The following TGM6 variants were observed in gnomAD, a reference collection of about 807,000 sequenced individuals.
TGM6 encodes protein-glutamine gamma-glutamyltransferase 6.
Under a neutral mutation model 77.5 loss-of-function variants are expected in TGM6, and 74 were observed. That is an observed-to-expected ratio of 0.96 (90% CI 0.79 to 1.16). The LOEUF is 1.16. Among genes scored for constraint, TGM6 ranks in the 50% most tolerant of loss-of-function variants. TGM6 has a pLI of 0.00. For missense variants in TGM6, 968 were observed against 940.2 expected (o/e 1.03, Z -0.39); for synonymous variants, 383 against 378.9 (o/e 1.01, Z -0.12).
At position 2,427,498 on chromosome 20, in the gene TGM6, T is replaced by C. The variant is rs114499671; in HGVS notation, c.1679-2948T>C. ...ATCTTTTCAAAGAACCAGCTTTTGG[T>C]TTTGGTGATTTTCTCTATTGATCTC... is the stretch of plus-strand genomic sequence containing the variant. On this transcript the variant is annotated intron_variant, in intron 10 of 12. Transcript: ENST00000202625. Among the ~76,000 whole-genome samples, 329 of 152,212 alleles carry C rather than the reference T, an allele frequency of 2.2e-3. 3 individuals carry two copies. Among genetic ancestry groups the C allele is most frequent in the African/African-American group, 7.6e-3 (315 of 41,552 alleles).
In TGM6 at chr20:2,417,475, T is replaced by G. The variant is rs61729226; in HGVS notation, c.1580T>G (p.Val527Gly). ...AACCTCACCTCCCGGGCCCAGCGGG[T>G]GAGGGTCAACCTGAGCGGTGCCACC... ...LANLTSRAQR[V>G]RVNLSGATIL... The change falls in exon 10 of 13, where the codon GTG becomes GGG. Residue 527 changes from valine (V) to glycine (G), a missense_variant. Transcript: ENST00000202625. The G allele has an allele frequency of 5.0e-6, 8 of 1,610,188 alleles. No homozygotes were observed. Among genetic ancestry groups the G allele is most frequent in the Non-Finnish European group, 6.8e-6 (8 of 1,179,904 alleles).
intron 10 of TGM6, among the ~76,000 whole-genome samples, chr20:2,422,288 C>T (rs1048734475): frequency 2.6e-5 from 4 of 152,148 alleles, no homozygotes; most frequent in African/African-American, 7.2e-5. Flanking sequence ...TGTTTTTCCC[C>T]GTGTGGATAT....
chr20:2,430,518 T>C lies in TGM6; in HGVS notation c.1751T>C (p.Leu584Ser). Reference protein sequence around the residue: ...EDLTEDKKILLAAMCLVTKGE... With the variant: ...EDLTEDKKILSAAMCLVTKGE... ...CTGACAGAGGACAAGAAGATCCTGT[T>C]GGCTGCCATGTGCCTTGTCACCAAA... Residue 584 changes from leucine to serine, a missense_variant, in exon 11 of 13, where the codon TTG becomes TCG. Physicochemically the swap from Leu to Ser is moderately radical, Grantham distance 145 (BLOSUM62 -2). Transcript: ENST00000202625. 1.9e-6 allele frequency: 3 copies of C among 1,614,216 alleles called. No individual in the cohort carries two copies. The South Asian group carries it at 3.3e-5, about 18-fold the overall frequency.
At chr20:2,427,389 C>T (rs2084894823) in intron 10 of TGM6, among the ~76,000 whole-genome samples, 1 of 152,082 alleles carries the variant, frequency 6.6e-6, no homozygotes. Context: ...GAGATGTCCT[C>T]TCTTGCATTT....
At chr20:2,421,137 C>T (rs1173169895) in intron 10 of TGM6, among the ~76,000 whole-genome samples, 1 of 152,104 alleles carries the variant, frequency 6.6e-6, no homozygotes, top group Non-Finnish European at 1.5e-5. Context: ...CGGGCACACA[C>T]GACTACACCT....
chr20:2,386,942 C>A (rs73071366), intron 1 of TGM6, among the ~76,000 whole-genome samples: 20,145 of 152,182 alleles, frequency 0.13, 1,648 homozygotes, highest in South Asian at 0.32. Flanking sequence ...CATCCAGCAA[C>A]CTCGTCGTCT....
intron 1 of TGM6, among the ~76,000 whole-genome samples, chr20:2,391,724 T>C (rs1298981097): frequency 1.3e-5 from 2 of 152,222 alleles, no homozygotes; most frequent in African/African-American, 4.8e-5. Flanking sequence ...ACCAGAATGA[T>C]CTTTCCAAGG....
intron 1 of TGM6, among the ~76,000 whole-genome samples, chr20:2,381,384 G>A (rs1025073899): frequency 1.5e-4 from 23 of 152,132 alleles, no homozygotes; most frequent in African/African-American, 5.1e-4. Context: ...GGCCCCCACC[G>A]GCTGCATCCT....
intron 9 of TGM6, among the ~76,000 whole-genome samples, chr20:2,414,933 TTG>T (rs2084804962): frequency 1.4e-5 from 1 of 70,802 alleles, no homozygotes; most frequent in African/African-American, 9.0e-5. Context: ...GTTACAGAAT[TTG>T]GGGGGGGGGG....
chr20:2,401,304 G>A (rs549061655), intron 7 of TGM6, among the ~76,000 whole-genome samples: 1 of 152,260 alleles, frequency 6.6e-6, no homozygotes, highest in African/African-American at 2.4e-5. Context: ...GGGTTGCAGT[G>A]ATGTCTCCCT....
At chr20:2,385,420 G>A (rs952939773) in intron 1 of TGM6, among the ~76,000 whole-genome samples, 5 of 152,096 alleles carry the variant, frequency 3.3e-5, no homozygotes, top group African/African-American at 1.2e-4. Flanking sequence ...AGGAGTCCTT[G>A]GGGGTAATCA....
At chr20:2,407,439 C>T (rs1449498459) in intron 9 of TGM6, among the ~76,000 whole-genome samples, 5 of 152,032 alleles carry the variant, frequency 3.3e-5, no homozygotes, top group East Asian at 1.9e-4. Flanking sequence ...GCCAACATGG[C>T]GAAACCCCAT....
chr20:2,399,955 T>A (rs968803343), intron 6 of TGM6, among the ~76,000 whole-genome samples: 13 of 152,154 alleles, frequency 8.5e-5, no homozygotes, highest in African/African-American at 2.9e-4. Context: ...CTGTCTCTCA[T>A]TCATTGAGTG....
intron 10 of TGM6, among the ~76,000 whole-genome samples, chr20:2,417,882 T>G (rs948924843): frequency 2.6e-5 from 4 of 152,148 alleles, no homozygotes; most frequent in African/African-American, 9.7e-5. Context: ...AAATACATGC[T>G]GGGGGTATTT....
Position 2,394,603 on chromosome 20 carries a change from C to A in TGM6, c.159C>A (p.Ile53=). 6.2e-7 allele frequency: 1 copy of A among 1,611,820 alleles called. No homozygotes were observed. The highest frequency in any genetic ancestry group is 1.9e-4 in the Middle Eastern group (1 of 5,196). ...ELSRALDCEE[I]LIFTMETGPR... is the part of the protein sequence containing the mutation. The stretch of plus-strand genomic sequence containing the variant: ...GCAGAGCCCTGGACTGTGAGGAGAT[C>A]CTCATCTTCACGATGGAGACAGGTA... Residue 53 remains isoleucine (I), a synonymous_variant, in exon 2 of 13, where the codon ATC becomes ATA. Coordinates refer to ENST00000202625, the MANE Select transcript of TGM6 (RefSeq NM_198994.3).
intron 4 of TGM6, 125 bp from the exon 5 acceptor site, chr20:2,397,793 G>A (rs2084678736): frequency 1.2e-5 from 18 of 1,484,042 alleles, no homozygotes; most frequent in Non-Finnish European, 1.7e-5. Context: ...TGATGCCCCT[G>A]GTGGTTGGAG....
At chr20:2,395,538 G>A (rs183100582) in intron 3 of TGM6, 102 bp downstream of exon 3, 13 of 1,599,062 alleles carry the variant, frequency 8.1e-6, no homozygotes, top group Non-Finnish European at 1.1e-5. Context: ...AGGACAAGAA[G>A]CTGAATGCCA....
intron 1 of TGM6, among the ~76,000 whole-genome samples, chr20:2,392,236 A>C (rs1001708719): frequency 6.6e-6 from 1 of 152,224 alleles, no homozygotes; most frequent in Non-Finnish European, 1.5e-5. Flanking sequence ...CCAGCACGTG[A>C]ATGAATGAAC....
At chr20:2,402,629 C>A (rs536135007) in intron 7 of TGM6, among the ~76,000 whole-genome samples, 1 of 152,330 alleles carries the variant, frequency 6.6e-6, no homozygotes, top group South Asian at 2.1e-4. Flanking sequence ...CTGAGGCCGG[C>A]TGTAAAGATG....
Sources: allele counts gnomAD v4.1 joint callset (sites outside exome capture counted in the v4.1 genomes callset), GRCh38; gene constraint gnomAD v4.1.1; transcripts MANE v1.5; gene names NCBI Gene and HGNC (gene_info 2026-07-23, HGNC 2026-07-21).